The following PSTPIP1 variants were observed in gnomAD, a reference collection of about 807,000 sequenced individuals.
PSTPIP1 encodes the protein proline-serine-threonine phosphatase interacting protein 1, also known as proline-serine-threonine phosphatase-interacting protein 1.
A neutral mutation model predicts 69.6 loss-of-function variants in PSTPIP1; 66 were observed. The observed-to-expected ratio is 0.95, with a 90% CI of 0.78 to 1.16. PSTPIP1 has a LOEUF of 1.16. Ranked by LOEUF, PSTPIP1 falls within the 50% of genes most tolerant of loss-of-function variation. PSTPIP1 has a pLI of 0.00. For synonymous variants in PSTPIP1, 266 were observed against 222.7 expected (o/e 1.19, Z -1.73); for missense variants, 603 against 557.4 (o/e 1.08, Z -0.82).
chr15:76,996,923 G>A (rs1472175130), intron 1 of PSTPIP1, among the ~76,000 whole-genome samples: 1 of 152,152 alleles, frequency 6.6e-6, no homozygotes, highest in East Asian at 1.9e-4. Flanking sequence ...GTGCAAAGTT[G>A]GGGGAAGGGG....
chr15:76,994,822 C>T, upstream of PSTPIP1: 2 of 1,289,110 alleles, frequency 1.6e-6, no homozygotes, highest in Non-Finnish European at 2.0e-6. Context: ...CTGGGTAAGC[C>T]CCTCCAGAAT....
chr15:77,030,594 C>T lies in PSTPIP1; in HGVS notation c.642+13C>T, dbSNP rs752786501. Reference sequence around the variant, plus strand: ...GACCACCTGTGAGGTGAGTGGCCCACGTGGAGCCTCGTTTTCCCCAGCTGG... The same window carrying T: ...GACCACCTGTGAGGTGAGTGGCCCATGTGGAGCCTCGTTTTCCCCAGCTGG... On this transcript the variant is annotated intron_variant, in intron 9 of 14. Coordinates refer to ENST00000558012, the MANE Select transcript of PSTPIP1 (RefSeq NM_003978.5). 27 of 1,583,286 alleles carry T rather than the reference C, an allele frequency of 1.7e-5. No individual in the cohort carries two copies. The highest frequency in any genetic ancestry group is 1.1e-4 in the South Asian group (10 of 89,352).
chr15:77,001,368 A>G lies in PSTPIP1; in HGVS notation c.36+5759A>G, dbSNP rs184420207. Reference sequence around the variant, plus strand: ...TCTGGTTGGGCAGGAGCTTTTTCACACAGGAAGGAGGGACCCCAGAATGGC... The same window carrying G: ...TCTGGTTGGGCAGGAGCTTTTTCACGCAGGAAGGAGGGACCCCAGAATGGC... On this transcript the variant is annotated intron_variant, in intron 1 of 14. Coordinates refer to ENST00000558012, the MANE Select transcript of PSTPIP1 (RefSeq NM_003978.5). 5.8e-3 allele frequency among the ~76,000 whole-genome samples: 890 copies of G among 152,286 alleles called. 10 individuals carry two copies. The highest frequency in any genetic ancestry group is 0.021 in the African/African-American group (856 of 41,572).
Position 77,025,572 on chromosome 15 carries a change from T to C in PSTPIP1, c.322T>C (p.Phe108Leu). The change falls in exon 5 of 15, where the codon TTT (phenylalanine) becomes CTT (leucine). Residue 108 changes from phenylalanine (F) to leucine (L), a missense_variant. By Grantham distance (22) the Phe-to-Leu change is conservative (BLOSUM62 0). Transcript: ENST00000558012. ...LREELRSLEE[F>L]RERQKEQRKK... ...TGAGGAGCTGCGGAGTCTCGAGGAG[T>C]TTCGTGAGAGGCAGAAGGAGCAGAG... 1 of 1,549,980 alleles carries C rather than the reference T, an allele frequency of 6.5e-7. No individual in the cohort carries two copies. Among genetic ancestry groups the C allele is most frequent in the Non-Finnish European group, 8.7e-7 (1 of 1,146,056 alleles).
Position 76,995,455 on chromosome 15 carries a change from G to A in PSTPIP1, c.-119G>A. 1.9e-6 allele frequency: 3 copies of A among 1,568,192 alleles called. No individual in the cohort carries two copies. The highest frequency in any genetic ancestry group is 2.6e-6 in the Non-Finnish European group (3 of 1,159,556). ...CTTCTGAGTGTTGCAGACGGCGCCG[G>A]CCGGGAAGGGGGGCCTGGGCCAGCC... On this transcript the variant is annotated 5_prime_UTR_variant, in exon 1 of 15. Transcript: ENST00000558012.
At chr15:77,008,785 G>T (rs2152670653) in intron 1 of PSTPIP1, among the ~76,000 whole-genome samples, 1 of 152,322 alleles carries the variant, frequency 6.6e-6, no homozygotes, top group South Asian at 2.1e-4. Flanking sequence ...AGAGCACTAG[G>T]CTCCTCACAC....
upstream of PSTPIP1, chr15:76,995,069 C>T (rs1047582018): frequency 8.5e-7 from 1 of 1,182,858 alleles, no homozygotes; most frequent in Non-Finnish European, 1.1e-6. Context: ...CAGGGGAGCA[C>T]AGCAACTCCA....
rs113599218 is a variant in PSTPIP1 at position 77,030,837 on chromosome 15, G to A, written c.642+256G>A. On this transcript the variant is annotated intron_variant, in intron 9 of 14. Coordinates refer to ENST00000558012, the MANE Select transcript of PSTPIP1 (RefSeq NM_003978.5). ...TTTGTTGAAGCCAAAACTGGGACTT[G>A]GACTAAACCCACAGCCTCTCTGGGT... Among the ~76,000 whole-genome samples the A allele has an allele frequency of 0.012, 1,800 of 152,320 alleles. 29 individuals carry two copies. The highest frequency in any genetic ancestry group is 0.04 in the African/African-American group (1,648 of 41,556).
Position 77,033,714 on chromosome 15 carries a change from T to C in PSTPIP1, c.929+762T>C, listed in dbSNP as rs547169709. Among the ~76,000 whole-genome samples, 25 of 152,198 alleles carry C rather than the reference T, an allele frequency of 1.6e-4. 1 individual carries two copies. In the East Asian group the frequency reaches 4.8e-3, roughly 30 times the overall value. Reference sequence around the variant, plus strand: ...GGACTGTGGGGAGAGGCTGATGCAGTTCCCGGCCCTTCCCAAGGACCAGCT... The same window carrying C: ...GGACTGTGGGGAGAGGCTGATGCAGCTCCCGGCCCTTCCCAAGGACCAGCT... On this transcript the variant is annotated intron_variant, in intron 12 of 14. Coordinates refer to ENST00000558012, the MANE Select transcript of PSTPIP1 (RefSeq NM_003978.5).
At chr15:77,033,627 C>A (rs1221312795) in intron 12 of PSTPIP1, among the ~76,000 whole-genome samples, 1 of 152,152 alleles carries the variant, frequency 6.6e-6, no homozygotes, top group Non-Finnish European at 1.5e-5. Flanking sequence ...TGTGCCCCCA[C>A]CGCCATGCCA....
At chr15:76,996,475 G>A (rs143948003) in intron 1 of PSTPIP1, among the ~76,000 whole-genome samples, 331 of 152,330 alleles carry the variant, frequency 2.2e-3, no homozygotes, top group South Asian at 5.4e-3. Flanking sequence ...TGGCTGTCCC[G>A]GGGTGCTGCC....
In PSTPIP1 at chr15:77,029,579, G is replaced by T. The variant is rs1596117564; in HGVS notation, c.562+5G>T. ...AGGACTCGGCCACCGAGGCAGGTAT[G>T]TGGGCCTGGCTGCCCCGTCCGACCA... On this transcript the variant is annotated splice_donor_5th_base_variant and intron_variant, in intron 8 of 14. Transcript: ENST00000558012. 1 of 1,575,478 alleles carries T rather than the reference G, an allele frequency of 6.3e-7. No individual in the cohort carries two copies. Among genetic ancestry groups the T allele is most frequent in the East Asian group, 2.4e-5 (1 of 42,522 alleles).
intron 7 of PSTPIP1, among the ~76,000 whole-genome samples, chr15:77,029,040 C>A (rs1388998790): frequency 2.6e-5 from 4 of 152,230 alleles, no homozygotes; most frequent in Non-Finnish European, 5.9e-5. Flanking sequence ...AGCCAGGAAG[C>A]AGCAGAAAAG....
chr15:77,013,131 C>T (rs887450958), intron 1 of PSTPIP1, among the ~76,000 whole-genome samples: 1 of 152,198 alleles, frequency 6.6e-6, no homozygotes, highest in Non-Finnish European at 1.5e-5. Flanking sequence ...GAGGAGAGCA[C>T]CCCAGCACCA....
chr15:77,011,076 CATT>C (rs780114159), intron 1 of PSTPIP1, among the ~76,000 whole-genome samples: 34 of 152,300 alleles, frequency 2.2e-4, no homozygotes, highest in Middle Eastern at 6.8e-3. Context: ...CCTGCCTCAT[CATT>C]GAGAAGGCCT....
Position 77,035,815 on chromosome 15 carries a change from C to G in PSTPIP1, c.999C>G (p.Thr333=). The G allele has an allele frequency of 6.2e-7, 1 of 1,608,616 alleles. No homozygotes were observed. Among genetic ancestry groups the G allele is most frequent in the Non-Finnish European group, 8.5e-7 (1 of 1,179,552 alleles). The stretch of plus-strand genomic sequence containing the variant: ...CCCTGCTCTTAGCGTCCACAGAGAC[C>G]CTGACCCCCACCCCCGAGCGGAATG... ...SLAASAASTE[T]LTPTPERNEG... The change falls in exon 14 of 15, where the codon ACC becomes ACG. Residue 333 remains threonine, a synonymous_variant. Transcript: ENST00000558012.
intron 11 of PSTPIP1, 132 bp from the exon 12 acceptor site, chr15:77,032,730 G>A: frequency 1.3e-6 from 1 of 751,226 alleles, no homozygotes; most frequent in South Asian, 1.8e-5. Flanking sequence ...TCTCATGGGA[G>A]CAAGACAGGC....
chr15:76,998,036 A>C (rs1016392076), intron 1 of PSTPIP1, among the ~76,000 whole-genome samples: 5 of 152,190 alleles, frequency 3.3e-5, no homozygotes, highest in African/African-American at 1.2e-4. Context: ...TCAGGAGTTC[A>C]AGACCAGCCT....
At chr15:77,014,353 T>C (rs1037460952) in intron 1 of PSTPIP1, among the ~76,000 whole-genome samples, 2 of 152,082 alleles carry the variant, frequency 1.3e-5, no homozygotes, top group African/African-American at 4.8e-5. Context: ...ATTAGGCCCA[T>C]TTTCACAGGG....
Sources: allele counts gnomAD v4.1 joint callset (sites outside exome capture counted in the v4.1 genomes callset), GRCh38; gene constraint gnomAD v4.1.1; transcripts MANE v1.5; gene names NCBI Gene and HGNC (gene_info 2026-07-23, HGNC 2026-07-21).